The following GRID2 variants were observed in gnomAD, a reference collection of about 807,000 sequenced individuals.
The protein encoded by GRID2 is glutamate ionotropic receptor delta type subunit 2.
GRID2 carries 33 observed loss-of-function variants against 114.8 expected under a neutral mutation model. That is an observed-to-expected ratio of 0.29 (90% CI 0.22 to 0.38). GRID2 has a LOEUF of 0.38. Among genes scored for constraint, GRID2 ranks in the 10% least tolerant of loss-of-function variants. The pLI is 1.00. For missense variants in GRID2, 1,184 were observed against 1,257.7 expected (o/e 0.94, Z 0.89); for synonymous variants, 505 against 449.9 (o/e 1.12, Z -1.55).
chr4:93,049,587 G>T (rs1353457881), intron 2 of GRID2, among the ~76,000 whole-genome samples: 1 of 151,490 alleles, frequency 6.6e-6, no homozygotes, highest in African/African-American at 2.4e-5. Flanking sequence ...GTTTCCAGCA[G>T]AATAAAATAA....
chr4:93,525,403 G>C, intron 13 of GRID2, among the ~76,000 whole-genome samples: 1 of 152,086 alleles, frequency 6.6e-6, no homozygotes, highest in East Asian at 1.9e-4. Context: ...AAAGTGGTGG[G>C]GGAGGAAGGT....
At chr4:93,169,230 C>T (rs992531202) in intron 4 of GRID2, among the ~76,000 whole-genome samples, 2 of 150,178 alleles carry the variant, frequency 1.3e-5, no homozygotes, top group Non-Finnish European at 3.0e-5. Flanking sequence ...ATATTTATTG[C>T]CTATTTTTGA....
chr4:93,805,825 G>A (rs1735017777), intron 1 of GRID2, among the ~76,000 whole-genome samples: 1 of 152,176 alleles, frequency 6.6e-6, no homozygotes, highest in African/African-American at 2.4e-5. Flanking sequence ...GGCCGAGTGT[G>A]GTGGCTCACG....
At chr4:93,378,153 A>G (rs1763539553) in intron 8 of GRID2, among the ~76,000 whole-genome samples, 1 of 152,172 alleles carries the variant, frequency 6.6e-6, no homozygotes, top group African/African-American at 2.4e-5. Context: ...CAAAACTTTA[A>G]TCCTATTTTT....
At chr4:92,722,228 G>A (rs1735842707) in intron 2 of GRID2, among the ~76,000 whole-genome samples, 1 of 152,134 alleles carries the variant, frequency 6.6e-6, no homozygotes, top group East Asian at 1.9e-4. Flanking sequence ...GCCACTGAAA[G>A]CATGGATACT....
intron 1 of GRID2, among the ~76,000 whole-genome samples, chr4:92,577,967 A>G (rs16996340): frequency 0.4 from 61,050 of 151,258 alleles, 12,510 homozygotes; most frequent in African/African-American, 0.48. Flanking sequence ...AGAATCTCAC[A>G]TAAATTAAAT....
chr4:92,407,470 A>T lies in GRID2; in HGVS notation c.88+102726A>T, dbSNP rs151286153. Reference sequence around the variant, plus strand: ...CCTAGTAGTGGGATTGCTGTGTCACATGGTAGTTATTTTTTAAGTTCTTTG... The same window carrying T: ...CCTAGTAGTGGGATTGCTGTGTCACTTGGTAGTTATTTTTTAAGTTCTTTG... On this transcript the variant is annotated intron_variant, in intron 1 of 15. Coordinates refer to ENST00000282020, the MANE Select transcript of GRID2 (RefSeq NM_001510.4). Among the ~76,000 whole-genome samples the T allele has an allele frequency of 7.4e-3, 1,128 of 152,210 alleles. 13 individuals carry two copies. The highest frequency in any genetic ancestry group is 0.026 in the African/African-American group (1,061 of 41,544).
intron 2 of GRID2, among the ~76,000 whole-genome samples, chr4:93,048,088 T>C (rs1395025586): frequency 6.6e-6 from 1 of 151,758 alleles, no homozygotes; most frequent in Non-Finnish European, 1.5e-5. Context: ...CAGTAAAGGG[T>C]CTTTGCTGAA....
At chr4:93,657,561 A>G (rs1723128122) in intron 14 of GRID2, among the ~76,000 whole-genome samples, 1 of 152,150 alleles carries the variant, frequency 6.6e-6, no homozygotes, top group Non-Finnish European at 1.5e-5. Flanking sequence ...CATAAAAACA[A>G]GCAAACAAAA....
chr4:93,257,301 T>A (rs1262552257), intron 8 of GRID2, among the ~76,000 whole-genome samples: 1 of 151,790 alleles, frequency 6.6e-6, no homozygotes, highest in Non-Finnish European at 1.5e-5. Context: ...AATTTAAAGA[T>A]CATTGAGGTA....
At chr4:92,436,364 T>C (rs1049856109) in intron 1 of GRID2, among the ~76,000 whole-genome samples, 2 of 152,072 alleles carry the variant, frequency 1.3e-5, no homozygotes, top group African/African-American at 4.8e-5. Context: ...GATGTGGCAA[T>C]AAAAAAAGTC....
chr4:92,816,035 G>T (rs1476774770), intron 2 of GRID2, among the ~76,000 whole-genome samples: 1 of 150,210 alleles, frequency 6.7e-6, no homozygotes. Flanking sequence ...CATTTTACTG[G>T]CCAAGCATGG....
chr4:92,989,606 C>T (rs1463562364), intron 2 of GRID2, among the ~76,000 whole-genome samples: 2 of 152,110 alleles, frequency 1.3e-5, no homozygotes, highest in Admixed American at 6.5e-5. Flanking sequence ...ATTATCAACA[C>T]AGCTGCTCTG....
At chr4:92,701,368 T>C (rs1259821162) in intron 2 of GRID2, among the ~76,000 whole-genome samples, 1 of 152,150 alleles carries the variant, frequency 6.6e-6, no homozygotes, top group Non-Finnish European at 1.5e-5. Context: ...GTATTGTGTA[T>C]ACAAGTGACA....
intron 2 of GRID2, among the ~76,000 whole-genome samples, chr4:92,985,612 T>C (rs1280474351): frequency 1.3e-5 from 2 of 152,110 alleles, no homozygotes; most frequent in Non-Finnish European, 2.9e-5. Flanking sequence ...CCTGAAAGCA[T>C]GACAAAAAAA....
chr4:93,778,037 A>G (rs923816082), downstream of GRID2, among the ~76,000 whole-genome samples: 26 of 152,344 alleles, frequency 1.7e-4, 1 homozygote, highest in Admixed American at 1.2e-3. Flanking sequence ...AAACAAATAC[A>G]GCTTGCATAT....
chr4:93,287,592 T>G (rs1183787049), intron 8 of GRID2, among the ~76,000 whole-genome samples: 1 of 152,212 alleles, frequency 6.6e-6, no homozygotes, highest in Non-Finnish European at 1.5e-5. Flanking sequence ...TAGGGAGTAT[T>G]AGAAGAGTTT....
At chr4:92,604,374 TTA>T (rs1192998826) in intron 2 of GRID2, among the ~76,000 whole-genome samples, 3 of 152,132 alleles carry the variant, frequency 2.0e-5, no homozygotes, top group African/African-American at 7.2e-5. Flanking sequence ...AGGAATGAGA[TTA>T]TGTCATTTGC....
intron 8 of GRID2, among the ~76,000 whole-genome samples, chr4:93,387,535 G>A (rs1019309044): frequency 1.4e-4 from 22 of 152,076 alleles, no homozygotes; most frequent in Admixed American, 6.6e-5. Context: ...CATCATATAA[G>A]AAATGATGTA....
Sources: gnomAD v4.1 joint callset for allele counts (sites outside exome capture counted in the v4.1 genomes callset) on GRCh38, gnomAD v4.1.1 for gene constraint, MANE v1.5 for transcripts, NCBI Gene and HGNC (gene_info 2026-07-23, HGNC 2026-07-21) for gene names.